SDK1: variants seen among roughly 807,000 people sequenced by gnomAD.
SDK1 encodes the protein sidekick cell adhesion molecule 1, also known as protein sidekick-1.
A neutral mutation model predicts 245.5 loss-of-function variants in SDK1; 157 were observed. The ratio of observed to expected loss-of-function variants is 0.64; its 90% CI spans 0.56 to 0.73. The LOEUF is 0.73. Ranked by LOEUF, SDK1 falls within the 30% of genes least tolerant of loss-of-function variation. The pLI is 0.00. For missense variants in SDK1, 3,583 were observed against 3,002.3 expected (o/e 1.19, Z -4.52); for synonymous variants, 1,647 against 1,278.5 (o/e 1.29, Z -6.15).
intron 1 of SDK1, among the ~76,000 whole-genome samples, chr7:3,440,268 G>T (rs1471130860): frequency 6.6e-6 from 1 of 152,234 alleles, no homozygotes; most frequent in Non-Finnish European, 1.5e-5. Context: ...TTTGCATTCA[G>T]GTATATTTTT....
intron 1 of SDK1, among the ~76,000 whole-genome samples, chr7:3,333,351 G>C (rs1456094341): frequency 6.6e-6 from 1 of 152,148 alleles, no homozygotes; most frequent in Non-Finnish European, 1.5e-5. Context: ...TGAAAGGAGT[G>C]TGCCATTTTC....
chr7:3,619,931 G>A (rs987750520), intron 2 of SDK1, among the ~76,000 whole-genome samples: 4 of 152,282 alleles, frequency 2.6e-5, no homozygotes, highest in African/African-American at 4.8e-5. Flanking sequence ...GTCTTACCAC[G>A]CTTCAGAGCT....
intron 1 of SDK1, among the ~76,000 whole-genome samples, chr7:3,477,577 C>T (rs1246430232): frequency 6.6e-6 from 1 of 150,940 alleles, no homozygotes; most frequent in Non-Finnish European, 1.5e-5. Flanking sequence ...TGCAGTGGTG[C>T]AGTCATAGCT....
intron 1 of SDK1, among the ~76,000 whole-genome samples, chr7:3,305,417 T>C (rs929313775): frequency 7.2e-5 from 11 of 152,200 alleles, no homozygotes; most frequent in African/African-American, 2.7e-4. Context: ...TTTTCTGTGG[T>C]CTGGGTCACT....
At chr7:3,366,729 T>G (rs1345000159) in intron 1 of SDK1, among the ~76,000 whole-genome samples, 2 of 152,070 alleles carry the variant, frequency 1.3e-5, no homozygotes, top group Non-Finnish European at 2.9e-5. Context: ...TTTTGATAAT[T>G]ATTGTTTTTA....
At chr7:3,446,205 AG>A (rs554417174) in intron 1 of SDK1, among the ~76,000 whole-genome samples, 39 of 152,152 alleles carry the variant, frequency 2.6e-4, no homozygotes, top group Non-Finnish European at 5.1e-4. Flanking sequence ...TAATTCAAGC[AG>A]CTACTATGTG....
At chr7:3,948,087 T>C (rs986199287) in intron 5 of SDK1, among the ~76,000 whole-genome samples, 1 of 152,164 alleles carries the variant, frequency 6.6e-6, no homozygotes, top group Non-Finnish European at 1.5e-5. Context: ...TATTGAAATA[T>C]CTGGATTCAG....
intron 14 of SDK1, among the ~76,000 whole-genome samples, chr7:4,002,870 G>A (rs973971391): frequency 2.0e-5 from 3 of 152,222 alleles, no homozygotes; most frequent in African/African-American, 7.2e-5. Context: ...GGGAGGGCCC[G>A]ATGTGATGGG....
chr7:3,331,886 T>G lies in SDK1; in HGVS notation c.298+30002T>G, dbSNP rs191306868. Among the ~76,000 whole-genome samples, 394 of 152,318 alleles carry G rather than the reference T, an allele frequency of 2.6e-3. 1 individual carries two copies. The highest frequency in any genetic ancestry group is 6.8e-3 in the Middle Eastern group (2 of 294). On this transcript the variant is annotated intron_variant, in intron 1 of 44. Coordinates refer to ENST00000404826, the MANE Select transcript of SDK1 (RefSeq NM_152744.4). ...GGTATTTTGATAAGAAAATTTAAGT[T>G]TTACAATAAAATGTAACCTTGCAAT... is the stretch of plus-strand genomic sequence containing the variant.
At chr7:3,654,748 G>C (rs999723809) in intron 4 of SDK1, among the ~76,000 whole-genome samples, 1 of 152,220 alleles carries the variant, frequency 6.6e-6, no homozygotes, top group African/African-American at 2.4e-5. Flanking sequence ...TCGTAGAATT[G>C]CTTGGTTCCA....
In SDK1 at chr7:3,701,648, C is replaced by T. The variant is rs1784742263; in HGVS notation, c.713+59543C>T. Reference sequence around the variant, plus strand: ...TTATTCTAAAATTTATGTGGTTAAGCAAAGGAGCTGGAATAGGTGAACAGT... The same window carrying T: ...TTATTCTAAAATTTATGTGGTTAAGTAAAGGAGCTGGAATAGGTGAACAGT... On this transcript the variant is annotated intron_variant, in intron 4 of 44. Transcript: ENST00000404826. Among the ~76,000 whole-genome samples, 4 of 151,964 alleles carry T rather than the reference C, an allele frequency of 2.6e-5. No homozygotes were observed. The South Asian group carries it at 8.3e-4, about 32-fold the overall frequency.
chr7:3,837,155 T>G (rs550506293), intron 5 of SDK1, among the ~76,000 whole-genome samples: 1 of 152,342 alleles, frequency 6.6e-6, no homozygotes, highest in African/African-American at 2.4e-5. Context: ...TTTTTACAGC[T>G]CAGTCCATAA....
chr7:3,682,468 G>T (rs938507065), intron 4 of SDK1, among the ~76,000 whole-genome samples: 6 of 152,290 alleles, frequency 3.9e-5, no homozygotes, highest in Non-Finnish European at 8.8e-5. Context: ...AAAGCTAATG[G>T]CAGCGTTCCC....
At chr7:3,559,213 CTG>C (rs1360316046) in intron 1 of SDK1, among the ~76,000 whole-genome samples, 2 of 152,058 alleles carry the variant, frequency 1.3e-5, no homozygotes, top group African/African-American at 2.4e-5. Context: ...AGAATAATGA[CTG>C]TTGCATGGAT....
intron 1 of SDK1, among the ~76,000 whole-genome samples, chr7:3,576,629 C>T (rs543342069): frequency 2.8e-4 from 43 of 152,066 alleles, no homozygotes; most frequent in Non-Finnish European, 5.4e-4. Context: ...ATAATATATT[C>T]TGTCATTTTT....
At chr7:4,085,130 A>G (rs910765128) in intron 22 of SDK1, among the ~76,000 whole-genome samples, 4 of 152,026 alleles carry the variant, frequency 2.6e-5, no homozygotes, top group Non-Finnish European at 5.9e-5. Flanking sequence ...TCCTAACTCG[A>G]TTATCTTCTT....
chr7:3,974,509 G>A lies in SDK1; in HGVS notation c.1958G>A (p.Gly653Glu). The change falls in exon 13 of 45, where the codon GGA becomes GAA. Residue 653 changes from glycine (G) to glutamate (E), a missense_variant. Coordinates refer to ENST00000404826, the MANE Select transcript of SDK1 (RefSeq NM_152744.4). ...GDYSCEIVSEGGNDSRMARLE... is the reference protein window; with the variant it reads ...GDYSCEIVSEEGNDSRMARLE... ...TACAGCTGCGAGATTGTTTCTGAAG[G>A]AGGGAATGACTCCAGGATGGCCCGG... 6.2e-7 allele frequency: 1 copy of A among 1,614,168 alleles called. No homozygotes were observed. The highest frequency in any genetic ancestry group is 8.5e-7 in the Non-Finnish European group (1 of 1,180,040).
chr7:3,854,651 A>T (rs1780497114), intron 5 of SDK1, among the ~76,000 whole-genome samples: 1 of 152,316 alleles, frequency 6.6e-6, no homozygotes, highest in African/African-American at 2.4e-5. Context: ...TTCATGAGAA[A>T]ACATAGAAGT....
chr7:3,742,709 T>C (rs1247727494), intron 4 of SDK1, among the ~76,000 whole-genome samples: 1 of 150,046 alleles, frequency 6.7e-6, no homozygotes, highest in Non-Finnish European at 1.5e-5. Flanking sequence ...AATAAAATTA[T>C]ATACTTTTTA....
Sources: allele counts gnomAD v4.1 joint callset (sites outside exome capture counted in the v4.1 genomes callset), GRCh38; gene constraint gnomAD v4.1.1; transcripts MANE v1.5; gene names NCBI Gene and HGNC (gene_info 2026-07-23, HGNC 2026-07-21).